The following PLK4 variants were observed in gnomAD, a reference collection of about 807,000 sequenced individuals.
PLK4 encodes polo like kinase 4.
A neutral mutation model predicts 103.0 loss-of-function variants in PLK4; 51 were observed. The observed-to-expected ratio is 0.50, with a 90% confidence interval of 0.40 to 0.63. The LOEUF (loss-of-function observed/expected upper bound fraction) is 0.63, where lower values mean the gene tolerates loss of function less well. Ranked by LOEUF, PLK4 falls within the 20% of genes least tolerant of loss-of-function variation. PLK4 has a pLI of 0.00. For missense variants in PLK4, 1,054 were observed against 1,151.0 expected (o/e 0.92, Z 1.22); for synonymous variants, 389 against 376.8 (o/e 1.03, Z -0.38).
chr4:127,894,978 T>C lies in PLK4; in HGVS notation c.2588T>C (p.Leu863Pro). The C allele has an allele frequency of 6.2e-7, 1 of 1,604,980 alleles. No individual in the cohort carries two copies. Among genetic ancestry groups the C allele is most frequent in the Non-Finnish European group, 8.5e-7 (1 of 1,173,736 alleles). Residue 863 changes from leucine to proline, a missense_variant, in exon 14 of 16, where the codon CTT becomes CCT. Coordinates refer to ENST00000270861, the MANE Select transcript of PLK4 (RefSeq NM_014264.5). ...ATGGTTACAAATGAAGGACTTGGTC[T>C]TACAACTACAGCTTCTGGAACAGAC... Reference protein sequence around the residue: ...PSMVTNEGLGLTTTASGTDIS... With the variant: ...PSMVTNEGLGPTTTASGTDIS...
At chr4:127,885,573 A>C in intron 4 of PLK4, 135 bp from the exon 5 acceptor site, 1 of 666,714 alleles carries the variant, frequency 1.5e-6, no homozygotes, top group East Asian at 2.6e-5. Flanking sequence ...TGGCTGGTAA[A>C]TCTAAGCTCC....
chr4:127,896,260 T>C (rs1183184579), intron 14 of PLK4, among the ~76,000 whole-genome samples: 3 of 152,196 alleles, frequency 2.0e-5, no homozygotes, highest in Non-Finnish European at 4.4e-5. Flanking sequence ...GATGTAAGCC[T>C]AGGTGTGTTT....
chr4:127,888,102 C>G (rs547061500), intron 6 of PLK4, among the ~76,000 whole-genome samples: 1 of 127,262 alleles, frequency 7.9e-6, no homozygotes, highest in South Asian at 2.6e-4. Context: ...ATCGCTTGAA[C>G]CAGGGAGACA....
Position 127,886,408 on chromosome 4 carries a change from G to C in PLK4, c.1038G>C (p.Gln346His). The C allele has an allele frequency of 6.2e-7, 1 of 1,614,024 alleles. No individual in the cohort carries two copies. The highest frequency in any genetic ancestry group is 8.5e-7 in the Non-Finnish European group (1 of 1,179,904). ...GAGATGGAAACAGTTTTTATACTCA[G>C]TGGGGAAATCAAGAAACCAGTAATA... Reference protein sequence around the residue: ...SSGDGNSFYTQWGNQETSNSG... With the variant: ...SSGDGNSFYTHWGNQETSNSG... Residue 346 changes from glutamine (Q) to histidine (H), a missense_variant, in exon 5 of 16, where the codon CAG becomes CAC. Gln to His is a conservative substitution (Grantham distance 24, BLOSUM62 0). Transcript: ENST00000270861.
intron 9 of PLK4, 155 bp from the exon 10 acceptor site, chr4:127,892,210 A>G (rs1420490942): frequency 1.9e-6 from 1 of 513,894 alleles, no homozygotes; most frequent in Non-Finnish European, 3.4e-6. Context: ...GACTATGGAC[A>G]TAAGTACTGA....
chr4:127,891,741 AC>A, intron 9 of PLK4, 60 bp downstream of exon 9: 2 of 548,354 alleles, frequency 3.6e-6, no homozygotes, highest in Non-Finnish European at 6.4e-6. Flanking sequence ...ATACGTATAA[AC>A]TCTATATATA....
chr4:127,890,510 G>A (rs1356445308), intron 7 of PLK4, among the ~76,000 whole-genome samples: 1 of 151,918 alleles, frequency 6.6e-6, no homozygotes, highest in Non-Finnish European at 1.5e-5. Flanking sequence ...AATAATACTG[G>A]CTATATGCTG....
Position 127,883,428 on chromosome 4 carries a change from T to C in PLK4, c.223-11T>C, listed in dbSNP as rs370972231. The C allele has an allele frequency of 1.6e-5, 23 of 1,422,722 alleles. No individual in the cohort carries two copies. The African/African-American group carries it at 3.1e-4, about 19-fold the overall frequency. The allele number at this position is 1,422,722 out of a possible 1,614,324, so 88.1% of individuals were successfully genotyped here. A position where few individuals can be genotyped will look rare whatever the true frequency, so the allele number is the denominator to read the frequency against. On this transcript the variant is annotated splice_polypyrimidine_tract_variant and intron_variant, in intron 3 of 15. Coordinates refer to ENST00000270861, the MANE Select transcript of PLK4 (RefSeq NM_014264.5). ...GTATATTTTAATTTATTATGCCCTTTCACATTTCAGCTTTATAACTATTTT... is the reference window on the plus strand; with the variant it reads ...GTATATTTTAATTTATTATGCCCTTCCACATTTCAGCTTTATAACTATTTT...
Position 127,898,906 on chromosome 4 carries a change from C to T in PLK4, c.*365C>T, listed in dbSNP as rs550649245. The T allele has an allele frequency of 6.2e-6, 1 of 160,676 alleles. No individual in the cohort carries two copies. Among genetic ancestry groups the T allele is most frequent in the South Asian group, 2.0e-4 (1 of 5,008 alleles). 10.0% of individuals were successfully genotyped at this position (160,676 alleles called of 1,614,324 possible). On this transcript the variant is annotated 3_prime_UTR_variant, in exon 16 of 16. Transcript: ENST00000270861. ...ACATGTTGAGAATCATGGACAAAAC[C>T]TGCTGGAATTTTGGAATTTTTGAAG...
intron 1 of PLK4, chr4:127,881,416 C>T (rs909934704): frequency 1.4e-6 from 2 of 1,407,250 alleles, no homozygotes; most frequent in African/African-American, 2.9e-5. Context: ...CTGCGGCTTT[C>T]TTTCAGCAAT....
chr4:127,895,241 T>A, intron 14 of PLK4, 148 bp downstream of exon 14: 1 of 523,780 alleles, frequency 1.9e-6, no homozygotes, highest in Non-Finnish European at 3.2e-6. Flanking sequence ...GTTATATCAT[T>A]AAAAATTTTA....
In PLK4 at chr4:127,889,881, C is replaced by G; in HGVS notation, c.1475C>G (p.Thr492Ser). 6.3e-7 allele frequency: 1 copy of G among 1,592,206 alleles called. No individual in the cohort carries two copies. ...TATATTGTAGCTCATTTAAGAAAAA[C>G]TACTGAATATGACAGCATCAGCCCA... ...NLQINAHLRK[T>S]TEYDSISPNR... Residue 492 changes from threonine to serine, a missense_variant, in exon 7 of 16, where the codon ACT (threonine) becomes AGT (serine). By Grantham distance (58) the Thr-to-Ser change is moderately conservative. Coordinates refer to ENST00000270861, the MANE Select transcript of PLK4 (RefSeq NM_014264.5).
At chr4:127,884,067 A>C (rs1735028646) in intron 4 of PLK4, among the ~76,000 whole-genome samples, 1 of 152,212 alleles carries the variant, frequency 6.6e-6, no homozygotes, top group South Asian at 2.1e-4. Flanking sequence ...TTATAGACAT[A>C]TTTTTAACTA....
At chr4:127,894,589 G>A (rs866917345) in intron 13 of PLK4, among the ~76,000 whole-genome samples, 6 of 152,064 alleles carry the variant, frequency 3.9e-5, no homozygotes, top group Admixed American at 6.5e-5. Context: ...ATAGACTCAT[G>A]ATTAAATTTA....
At chr4:127,883,830 AT>A (rs1265288043) in intron 4 of PLK4, among the ~76,000 whole-genome samples, 2 of 152,188 alleles carry the variant, frequency 1.3e-5, no homozygotes, top group African/African-American at 4.8e-5. Flanking sequence ...ATCTTTTCAA[AT>A]GTAGTAACCT....
chr4:127,890,782 C>CATTT, intron 7 of PLK4, among the ~76,000 whole-genome samples: 1 of 151,924 alleles, frequency 6.6e-6, no homozygotes, highest in East Asian at 1.9e-4. Flanking sequence ...TTTTACTTCC[C>CATTT]ATTTCATCCT....
rs186628977 is a variant in PLK4 at position 127,894,974 on chromosome 4, G to C, written c.2584G>C (p.Gly862Arg). The change falls in exon 14 of 16, where the codon GGT becomes CGT. Residue 862 changes from glycine (G) to arginine (R), a missense_variant. Physicochemically the swap from Gly to Arg is moderately radical, Grantham distance 125. This residue lies in a region of PLK4 where 167 missense variants were observed against 200.7 expected (regional missense o/e 0.83). Coordinates refer to ENST00000270861, the MANE Select transcript of PLK4 (RefSeq NM_014264.5). ...GTAGATGGTTACAAATGAAGGACTTGGTCTTACAACTACAGCTTCTGGAAC... is the reference window on the plus strand; with the variant it reads ...GTAGATGGTTACAAATGAAGGACTTCGTCTTACAACTACAGCTTCTGGAAC... ...NPSMVTNEGLGLTTTASGTDI... is the reference protein window; with the variant it reads ...NPSMVTNEGLRLTTTASGTDI... 1 of 1,602,120 alleles carries C rather than the reference G, an allele frequency of 6.2e-7. No individual in the cohort carries two copies. The highest frequency in any genetic ancestry group is 1.3e-5 in the African/African-American group (1 of 74,558).
rs556905407 is a variant in PLK4, at chr4:127,898,585, T to C, written c.*44T>C. On this transcript the variant is annotated 3_prime_UTR_variant, in exon 16 of 16. Coordinates refer to ENST00000270861, the MANE Select transcript of PLK4 (RefSeq NM_014264.5). ...ATATAAGTTTAATAAATAACTTTTT[T>C]GTTGACTTTCAAGTAAAGTGATTTT... 4.3e-6 allele frequency: 4 copies of C among 930,160 alleles called. No individual in the cohort carries two copies. The South Asian group carries it at 5.8e-5, about 14-fold the overall frequency. 57.6% of individuals were successfully genotyped at this position (930,160 alleles called of 1,614,324 possible).
chr4:127,896,825 C>T lies in PLK4; in HGVS notation c.2728C>T (p.Gln910Ter). Reference sequence around the variant, plus strand: ...GTTAACTAGTGGAGCTGTGTGGGTTCAGTTTAATGATGGGTCCCAGTTGGT... The same window carrying T: ...GTTAACTAGTGGAGCTGTGTGGGTTTAGTTTAATGATGGGTCCCAGTTGGT... ...TQLTSGAVWVQFNDGSQLVVQ... is the reference protein window; with the variant it reads ...TQLTSGAVWV The change falls in exon 15 of 16, where the codon CAG (glutamine) becomes TAG (stop). Residue 910 changes from glutamine (Q) to a stop codon, truncating the protein, a stop_gained. Coordinates refer to ENST00000270861, the MANE Select transcript of PLK4 (RefSeq NM_014264.5). LOFTEE classifies it high-confidence loss of function. The T allele has an allele frequency of 6.2e-7, 1 of 1,606,064 alleles. No homozygotes were observed. Among genetic ancestry groups the T allele is most frequent in the Non-Finnish European group, 8.5e-7 (1 of 1,175,188 alleles).
Sources: gnomAD v4.1 joint callset for allele counts (sites outside exome capture counted in the v4.1 genomes callset) on GRCh38, gnomAD v4.1.1 for gene constraint, gnomAD v4.1.1 regional missense constraint, MANE v1.5 for transcripts, NCBI Gene and HGNC (gene_info 2026-07-23, HGNC 2026-07-21) for gene names.